The following RNF150 variants were observed in gnomAD, a reference collection of about 807,000 sequenced individuals.
The protein encoded by RNF150 is ring finger protein 150.
RNF150 carries 24 observed loss-of-function variants against 39.3 expected under a neutral mutation model. That is an observed-to-expected ratio of 0.61 (90% CI 0.44 to 0.86). The LOEUF is 0.86. Ranked by LOEUF, RNF150 falls within the 40% of genes least tolerant of loss-of-function variation. The probability of loss-of-function intolerance (pLI) is 0.00; values close to 1 mark genes in which losing one functional copy is unlikely to be tolerated. For missense variants in RNF150, 502 were observed against 587.8 expected (o/e 0.85, Z 1.51); for synonymous variants, 255 against 227.3 (o/e 1.12, Z -1.10).
intron 1 of RNF150, among the ~76,000 whole-genome samples, chr4:141,009,885 C>T (rs1735013404): frequency 6.6e-6 from 1 of 152,164 alleles, no homozygotes; most frequent in Non-Finnish European, 1.5e-5. Context: ...TATCTCTGCT[C>T]CTCTGCCTGT....
intron 1 of RNF150, among the ~76,000 whole-genome samples, chr4:140,994,353 C>T (rs757638129): frequency 5.3e-5 from 8 of 152,192 alleles, no homozygotes; most frequent in Non-Finnish European, 1.2e-4. Flanking sequence ...CTCAAAGTCC[C>T]AGCCCATCTG....
chr4:140,960,029 A>T (rs1732955475), intron 2 of RNF150, among the ~76,000 whole-genome samples: 1 of 152,136 alleles, frequency 6.6e-6, no homozygotes, highest in Non-Finnish European at 1.5e-5. Context: ...CTCCAGACAT[A>T]CACATCAAAA....
intron 1 of RNF150, among the ~76,000 whole-genome samples, chr4:141,044,918 A>G (rs1736512446): frequency 6.6e-6 from 1 of 152,218 alleles, no homozygotes; most frequent in Admixed American, 6.5e-5. Context: ...TTGTTAGTTT[A>G]ATATATTAAT....
chr4:140,899,970 C>G lies in RNF150; in HGVS notation c.1198+11174G>C, dbSNP rs952727306. The stretch of plus-strand genomic sequence containing the variant: ...TCTCTCTCTCTCTCTCTCTCTCTCT[C>G]TCTCTGTGTGTGTGTGTGTGTGTGT... On this transcript the variant is annotated intron_variant, in intron 6 of 6. Coordinates refer to ENST00000515673, the MANE Select transcript of RNF150 (RefSeq NM_020724.2). 2.3e-3 allele frequency among the ~76,000 whole-genome samples: 317 copies of G among 135,358 alleles called. 1 individual carries two copies. Among genetic ancestry groups the G allele is most frequent in the African/African-American group, 8.9e-3 (302 of 34,112 alleles). The allele number at this position is 135,358 out of a possible 152,430, so 88.8% of individuals were successfully genotyped here.
intron 1 of RNF150, among the ~76,000 whole-genome samples, chr4:141,143,765 A>T (rs1166387318): frequency 2.0e-5 from 3 of 149,788 alleles, no homozygotes; most frequent in African/African-American, 7.4e-5. Context: ...CTTTGGTTCC[A>T]CTCTCTTCAG....
At chr4:140,958,265 C>T (rs7689080) in intron 2 of RNF150, among the ~76,000 whole-genome samples, 41,830 of 151,784 alleles carry the variant, frequency 0.28, 5,806 homozygotes, top group South Asian at 0.37. Context: ...GGACCAATTC[C>T]TCATGGATGC....
intron 1 of RNF150, among the ~76,000 whole-genome samples, chr4:141,097,527 T>A (rs1442727745): frequency 6.7e-6 from 1 of 149,734 alleles, no homozygotes; most frequent in Non-Finnish European, 1.5e-5. Context: ...ATACATCAAA[T>A]AATGGTGGGC....
chr4:141,170,604 T>C (rs1727698433), intron 1 of RNF150, among the ~76,000 whole-genome samples: 1 of 152,238 alleles, frequency 6.6e-6, no homozygotes, highest in African/African-American at 2.4e-5. Context: ...ATTATCTAGT[T>C]ATTTTTTCTG....
chr4:141,096,190 C>CTTTTTTTTTTTTTTTTT lies in RNF150; in HGVS notation c.484+36118_484+36134dup, dbSNP rs780868429. Among the ~76,000 whole-genome samples the CTTTTTTTTTTTTTTTTT allele has an allele frequency of 7.4e-5, 5 of 67,970 alleles. 1 individual carries two copies. Among genetic ancestry groups the CTTTTTTTTTTTTTTTTT allele is most frequent in the African/African-American group, 3.5e-4 (5 of 14,228 alleles). The allele number at this position is 67,970 out of a possible 152,430, so 44.6% of individuals were successfully genotyped here. On this transcript the variant is annotated intron_variant, in intron 1 of 6. Transcript: ENST00000515673. ...AATACCAAGGAGAGTTTTTAGCTTT[C>CTTTTTTTTTTTTTTTTT]TTTTTTTTTTTTTTTTTTTTTTTTT...
chr4:140,941,773 G>T (rs1383593471), intron 4 of RNF150, among the ~76,000 whole-genome samples: 1 of 152,040 alleles, frequency 6.6e-6, no homozygotes, highest in Non-Finnish European at 1.5e-5. Context: ...ATAATGACAA[G>T]AATAATATCA....
At chr4:141,114,452 G>C (rs542312485) in intron 1 of RNF150, among the ~76,000 whole-genome samples, 2 of 152,170 alleles carry the variant, frequency 1.3e-5, no homozygotes, top group South Asian at 4.2e-4. Context: ...GACTAAATCA[G>C]GAAGAAGTCA....
intron 1 of RNF150, among the ~76,000 whole-genome samples, chr4:141,166,066 G>T (rs557309548): frequency 2.0e-5 from 3 of 152,064 alleles, no homozygotes; most frequent in African/African-American, 7.2e-5. Flanking sequence ...AACTAATAAA[G>T]AAGAAAATAG....
At chr4:140,914,659 A>G (rs1164181102) in intron 5 of RNF150, among the ~76,000 whole-genome samples, 1 of 152,206 alleles carries the variant, frequency 6.6e-6, no homozygotes, top group Non-Finnish European at 1.5e-5. Flanking sequence ...CTATCAAGAC[A>G]GACCTACACC....
At chr4:141,058,319 G>A (rs1737073322) in intron 1 of RNF150, among the ~76,000 whole-genome samples, 1 of 151,774 alleles carries the variant, frequency 6.6e-6, no homozygotes, top group African/African-American at 2.4e-5. Flanking sequence ...GAAGAAGAGG[G>A]GTAGAAGAAA....
At chr4:140,907,240 C>CAAATGA (rs1364288791) in intron 6 of RNF150, among the ~76,000 whole-genome samples, 1 of 152,116 alleles carries the variant, frequency 6.6e-6, no homozygotes, top group African/African-American at 2.4e-5. Flanking sequence ...GGCATTCATA[C>CAAATGA]AAATGACCAC....
chr4:141,172,332 A>G (rs528214289), intron 1 of RNF150, among the ~76,000 whole-genome samples: 6 of 152,270 alleles, frequency 3.9e-5, no homozygotes, highest in Admixed American at 3.9e-4. Context: ...TCTACATGTC[A>G]TTAGCCAAAG....
At chr4:140,975,013 T>C (rs1271155372) in intron 1 of RNF150, among the ~76,000 whole-genome samples, 1 of 152,092 alleles carries the variant, frequency 6.6e-6, no homozygotes, top group East Asian at 1.9e-4. Context: ...CTCAGCACTT[T>C]GGGAGGCCAA....
chr4:140,922,729 G>A (rs1194237322), intron 5 of RNF150, among the ~76,000 whole-genome samples: 2 of 152,044 alleles, frequency 1.3e-5, no homozygotes, highest in Non-Finnish European at 2.9e-5. Context: ...TGGTTACAAG[G>A]CTACAGTAAT....
rs1192102270 is a variant in RNF150, at chr4:140,861,124, A to T, written c.*7137T>A. 4 of 152,198 alleles carry T rather than the reference A, an allele frequency of 2.6e-5. No individual in the cohort carries two copies. The highest frequency in any genetic ancestry group is 4.4e-5 in the Non-Finnish European group (3 of 68,042). The allele number at this position is 152,198 out of a possible 1,614,324, so 9.4% of individuals were successfully genotyped here. On this transcript the variant is annotated 3_prime_UTR_variant, in exon 7 of 7. Transcript: ENST00000515673. ...CTCAGATTACTAATGTGAAAGCAGGAAGTAAATATATTATGTACATGTACA... is the reference window on the plus strand; with the variant it reads ...CTCAGATTACTAATGTGAAAGCAGGTAGTAAATATATTATGTACATGTACA...
Sources: allele counts gnomAD v4.1 joint callset (sites outside exome capture counted in the v4.1 genomes callset), GRCh38; gene constraint gnomAD v4.1.1; transcripts MANE v1.5; gene names NCBI Gene and HGNC (gene_info 2026-07-23, HGNC 2026-07-21).